The following AK4 variants were observed in gnomAD, a reference collection of about 807,000 sequenced individuals.
AK4 encodes adenylate kinase 4, also known as adenylate kinase 4, mitochondrial.
In AK4, 13 loss-of-function variants were observed where a neutral mutation model predicts 24.6. That is an observed-to-expected ratio of 0.53 (90% CI 0.34 to 0.84). AK4 has a LOEUF of 0.84. AK4 is among the 40% of genes least tolerant of loss of function. The pLI is 0.01. For synonymous variants in AK4, 88 were observed against 107.0 expected (o/e 0.82, Z 1.10); for missense variants, 192 against 288.2 (o/e 0.67, Z 2.42).
intron 1 of AK4, among the ~76,000 whole-genome samples, chr1:65,152,427 G>A (rs1257161216): frequency 2.6e-5 from 2 of 76,258 alleles, no homozygotes; most frequent in African/African-American, 8.5e-5. Flanking sequence ...TTTTGAGCCG[G>A]AGTCTCACTC....
At chr1:65,196,140 G>T (rs1040855714) in intron 2 of AK4, among the ~76,000 whole-genome samples, 3 of 152,196 alleles carry the variant, frequency 2.0e-5, no homozygotes, top group African/African-American at 7.2e-5. Context: ...TTCAGCTTTA[G>T]ACTCCTTATG....
intron 1 of AK4, among the ~76,000 whole-genome samples, chr1:65,174,395 T>C (rs1229766979): frequency 6.6e-6 from 1 of 152,218 alleles, no homozygotes; most frequent in African/African-American, 2.4e-5. Context: ...ATTTTCTTTC[T>C]TAAATTCAGA....
intron 2 of AK4, 134 bp downstream of exon 2, chr1:65,190,963 G>A: frequency 8.5e-7 from 1 of 1,177,354 alleles, no homozygotes; most frequent in South Asian, 2.1e-5. Context: ...ATTGCAATTT[G>A]GCAACATGAT....
intron 1 of AK4, among the ~76,000 whole-genome samples, chr1:65,168,164 TGAGACAGAGTTTTGCTC>T (rs1650395171): frequency 6.6e-6 from 1 of 150,732 alleles, no homozygotes; most frequent in Admixed American, 6.6e-5. Flanking sequence ...TTTTTTTTTT[TGAGACAGAGTTTTGCTC>T]TTGTTGCCCA....
intron 1 of AK4, among the ~76,000 whole-genome samples, chr1:65,168,233 G>A (rs1273800098): frequency 6.9e-6 from 1 of 145,442 alleles, no homozygotes; most frequent in East Asian, 2.1e-4. Flanking sequence ...TTGCAACTCC[G>A]CCTCCCGGGT....
At chr1:65,209,277 TG>T (rs1651903452) in intron 2 of AK4, among the ~76,000 whole-genome samples, 1 of 152,220 alleles carries the variant, frequency 6.6e-6, no homozygotes, top group Non-Finnish European at 1.5e-5. Context: ...CGTTAGCTCT[TG>T]GCATTTCTAC....
At chr1:65,221,739 G>A (rs568246234) in intron 3 of AK4, among the ~76,000 whole-genome samples, 1 of 152,332 alleles carries the variant, frequency 6.6e-6, no homozygotes, top group Non-Finnish European at 1.5e-5. Flanking sequence ...CTGACGCAGA[G>A]ATTCTCATAA....
intron 1 of AK4, among the ~76,000 whole-genome samples, chr1:65,149,733 T>C (rs1174641442): frequency 3.9e-5 from 6 of 152,146 alleles, no homozygotes; most frequent in Non-Finnish European, 8.8e-5. Context: ...CTTAAGCAGA[T>C]TGAAAAAGCG....
intron 1 of AK4, among the ~76,000 whole-genome samples, chr1:65,170,366 TCA>T (rs543805884): frequency 1.3e-5 from 2 of 151,162 alleles, no homozygotes; most frequent in African/African-American, 2.4e-5. Context: ...AGACTCCGTC[TCA>T]CACACACACA....
chr1:65,225,999 C>G (rs1185498025), intron 4 of AK4, 64 bp from the exon 5 acceptor site: 5 of 1,523,322 alleles, frequency 3.3e-6, no homozygotes, highest in Non-Finnish European at 4.5e-6. Flanking sequence ...TATCTAGGAT[C>G]TTCTGCACTA....
At chr1:65,191,271 A>G (rs1438342858) in intron 2 of AK4, among the ~76,000 whole-genome samples, 1 of 152,164 alleles carries the variant, frequency 6.6e-6, no homozygotes, top group Non-Finnish European at 1.5e-5. Context: ...AAAATGAGCA[A>G]CCTTTGTAGA....
At chr1:65,153,165 ATATTTGAAGAACAC>A (rs1035921381) in intron 1 of AK4, among the ~76,000 whole-genome samples, 1 of 152,192 alleles carries the variant, frequency 6.6e-6, no homozygotes, top group African/African-American at 2.4e-5. Context: ...ATTTTCACAC[ATATTTGAAGAACAC>A]TATTTGTGAC....
chr1:65,202,864 GTC>G lies in AK4; in HGVS notation c.265+12037_265+12038del, dbSNP rs1382122935. The stretch of plus-strand genomic sequence containing the variant: ...TCTGTAACTTACAAGCTGCTGTGTA[GTC>G]TTTTTTTTTTTTTTTTTTTTTTTAA... On this transcript the variant is annotated intron_variant, in intron 2 of 4. Coordinates refer to ENST00000327299, the MANE Select transcript of AK4 (RefSeq NM_013410.4). 6.6e-5 allele frequency among the ~76,000 whole-genome samples: 4 copies of G among 60,844 alleles called. No homozygotes were observed. In the Admixed American group the frequency reaches 7.8e-4, roughly 12 times the overall value. The allele number at this position is 60,844 out of a possible 152,430, so 39.9% of individuals were successfully genotyped here.
At chr1:65,197,771 C>T (rs747759851) in intron 2 of AK4, among the ~76,000 whole-genome samples, 16 of 152,216 alleles carry the variant, frequency 1.1e-4, no homozygotes, top group African/African-American at 3.1e-4. Context: ...TTTTACCATA[C>T]GAGGCTAGTA....
intron 3 of AK4, among the ~76,000 whole-genome samples, chr1:65,219,138 A>T (rs1242979401): frequency 6.6e-6 from 1 of 151,934 alleles, no homozygotes; most frequent in East Asian, 1.9e-4. Flanking sequence ...GACTGGCAAA[A>T]TCAAAATATA....
At chr1:65,181,590 G>C (rs1650910109) in intron 1 of AK4, among the ~76,000 whole-genome samples, 1 of 152,082 alleles carries the variant, frequency 6.6e-6, no homozygotes, top group South Asian at 2.1e-4. Flanking sequence ...ATTCGCCATT[G>C]TTGGCCAGGC....
At chr1:65,179,367 A>G (rs1409617508) in intron 1 of AK4, among the ~76,000 whole-genome samples, 7 of 152,192 alleles carry the variant, frequency 4.6e-5, no homozygotes, top group African/African-American at 1.7e-4. Context: ...GGTTAAGAAA[A>G]TGGACTGGGG....
intron 1 of AK4, among the ~76,000 whole-genome samples, chr1:65,158,811 C>T (rs1650060157): frequency 6.6e-6 from 1 of 151,908 alleles, no homozygotes; most frequent in Non-Finnish European, 1.5e-5. Flanking sequence ...CCGGCCCAAA[C>T]TAGATTTTTT....
intron 1 of AK4, among the ~76,000 whole-genome samples, chr1:65,159,913 A>G (rs1650101593): frequency 6.7e-6 from 1 of 148,762 alleles, no homozygotes; most frequent in Non-Finnish European, 1.5e-5. Context: ...GGTTGTAGTG[A>G]GCCAAGATCG....
Sources: allele counts gnomAD v4.1 joint callset (sites outside exome capture counted in the v4.1 genomes callset), GRCh38; gene constraint gnomAD v4.1.1; transcripts MANE v1.5; gene names NCBI Gene and HGNC (gene_info 2026-07-23, HGNC 2026-07-21).